MYT1L: variants seen among roughly 807,000 people sequenced by gnomAD.
MYT1L encodes myelin transcription factor 1 like, also known as myelin transcription factor 1-like protein.
A neutral mutation model predicts 126.7 loss-of-function variants in MYT1L; 12 were observed. The observed-to-expected ratio is 0.09, with a 90% CI of 0.06 to 0.15. The LOEUF is 0.15. Ranked by LOEUF, MYT1L falls within the 10% of genes least tolerant of loss-of-function variation. The pLI, the probability that MYT1L is intolerant of heterozygous loss-of-function variation, is 1.00. For synonymous variants in MYT1L, 541 were observed against 604.2 expected, an observed-to-expected ratio of 0.90 and a Z score of 1.53; for missense variants, 979 against 1,585.2, an observed-to-expected ratio of 0.62 and a Z score of 6.49.
Position 2,293,916 on chromosome 2 carries a change from G to A in MYT1L, c.-520-9413C>T, listed in dbSNP as rs982470975. ...TGCTCCGTGCTTGGCGCGCCTCTGAGGGATGCTTCTGGATAGCATCAGCCA... is the reference window on the plus strand; with the variant it reads ...TGCTCCGTGCTTGGCGCGCCTCTGAAGGATGCTTCTGGATAGCATCAGCCA... On this transcript the variant is annotated intron_variant, in intron 1 of 24. Coordinates refer to ENST00000647738, the MANE Select transcript of MYT1L (RefSeq NM_001303052.2). Among the ~76,000 whole-genome samples the A allele has an allele frequency of 1.5e-4, 23 of 152,178 alleles. No individual in the cohort carries two copies. The East Asian group carries it at 4.3e-3, about 28-fold the overall frequency.
intron 3 of MYT1L, among the ~76,000 whole-genome samples, chr2:2,149,641 T>C (rs554887760): frequency 6.6e-6 from 1 of 152,290 alleles, no homozygotes; most frequent in African/African-American, 2.4e-5. Flanking sequence ...CCATACAGGG[T>C]TCTTTCCAGG....
chr2:2,169,663 T>G (rs2148513922), intron 3 of MYT1L, among the ~76,000 whole-genome samples: 1 of 139,468 alleles, frequency 7.2e-6, no homozygotes, highest in Non-Finnish European at 1.7e-5. Flanking sequence ...TACATTTTTG[T>G]TTTGTAGTTG....
chr2:2,040,817 TTTA>T (rs773964824), intron 4 of MYT1L, among the ~76,000 whole-genome samples: 13 of 152,232 alleles, frequency 8.5e-5, no homozygotes, highest in Non-Finnish European at 1.8e-4. Flanking sequence ...TAAAATTTCA[TTTA>T]TTATTATATC....
chr2:2,003,768 T>C (rs2062661210), intron 4 of MYT1L, among the ~76,000 whole-genome samples: 1 of 152,114 alleles, frequency 6.6e-6, no homozygotes, highest in East Asian at 1.9e-4. Context: ...GGACCCCCAC[T>C]TTCCCTGACT....
chr2:1,797,281 T>C (rs916222222), intron 23 of MYT1L, among the ~76,000 whole-genome samples: 37 of 152,150 alleles, frequency 2.4e-4, no homozygotes, highest in Non-Finnish European at 2.9e-5. Context: ...TTCCCGCCCA[T>C]GGCGCGATCT....
intron 1 of MYT1L, among the ~76,000 whole-genome samples, chr2:2,320,077 G>C (rs760214726): frequency 2.6e-5 from 4 of 152,048 alleles, no homozygotes; most frequent in Non-Finnish European, 5.9e-5. Flanking sequence ...TTAAAATGCA[G>C]AATCTAAAAA....
At chr2:1,956,191 G>GTCTGTCTGTCTGTCTATCTA (rs1553354694) in intron 8 of MYT1L, among the ~76,000 whole-genome samples, 552 of 145,986 alleles carry the variant, frequency 3.8e-3, no homozygotes, top group Non-Finnish European at 4.6e-3. Flanking sequence ...TTACCTAGCT[G>GTCTGTCTGTCTGTCTATCTA]TCTATCTATC....
At chr2:2,241,700 G>T (rs2094443583) in intron 2 of MYT1L, among the ~76,000 whole-genome samples, 1 of 152,200 alleles carries the variant, frequency 6.6e-6, no homozygotes. Flanking sequence ...TAGCTGAAAG[G>T]TGGAGGCAGC....
intron 2 of MYT1L, among the ~76,000 whole-genome samples, chr2:2,252,966 A>T (rs1011823099): frequency 1.1e-4 from 17 of 152,060 alleles, no homozygotes; most frequent in Admixed American, 2.6e-4. Flanking sequence ...AGGAAGTAAA[A>T]TTTTTTTTAA....
At chr2:2,253,624 A>G (rs181834125) in intron 2 of MYT1L, among the ~76,000 whole-genome samples, 25 of 152,196 alleles carry the variant, frequency 1.6e-4, no homozygotes, top group Non-Finnish European at 3.7e-4. Flanking sequence ...CTGAGAGGAG[A>G]AAAAACTCCC....
intron 2 of MYT1L, among the ~76,000 whole-genome samples, chr2:2,183,495 T>C (rs751687059): frequency 2.6e-5 from 4 of 152,192 alleles, no homozygotes; most frequent in Non-Finnish European, 5.9e-5. Flanking sequence ...AGAAACATCC[T>C]TCCAGTGCAC....
intron 3 of MYT1L, among the ~76,000 whole-genome samples, chr2:2,109,857 T>C (rs1265019450): frequency 3.1e-5 from 4 of 128,222 alleles, no homozygotes; most frequent in African/African-American, 8.9e-5. Flanking sequence ...GGGAGGAAGA[T>C]TCACAAAAGT....
chr2:1,884,992 A>G (rs976349779), intron 18 of MYT1L, among the ~76,000 whole-genome samples: 7 of 152,248 alleles, frequency 4.6e-5, no homozygotes, highest in Non-Finnish European at 8.8e-5. Flanking sequence ...CCCAACGTGA[A>G]GGGATGCAAG....
At chr2:2,079,408 A>T (rs1378603450) in intron 3 of MYT1L, among the ~76,000 whole-genome samples, 1 of 152,222 alleles carries the variant, frequency 6.6e-6, no homozygotes. Flanking sequence ...AGGTAGCAAT[A>T]CTTCTCAAAT....
chr2:2,070,082 A>T (rs1440137209), intron 3 of MYT1L, among the ~76,000 whole-genome samples: 1 of 151,910 alleles, frequency 6.6e-6, no homozygotes, highest in Non-Finnish European at 1.5e-5. Flanking sequence ...TTCGGTTTTT[A>T]TTTGTCACTA....
At chr2:1,868,344 T>A (rs1053255908) in intron 18 of MYT1L, among the ~76,000 whole-genome samples, 18 of 152,234 alleles carry the variant, frequency 1.2e-4, no homozygotes, top group African/African-American at 4.3e-4. Flanking sequence ...TTGCATAATA[T>A]CAAAAATGTG....
intron 2 of MYT1L, among the ~76,000 whole-genome samples, chr2:2,206,149 A>AT (rs1000141902): frequency 1.5e-4 from 22 of 151,554 alleles, no homozygotes; most frequent in African/African-American, 1.2e-4. Flanking sequence ...CGCCCAGCTA[A>AT]TTTTTTTTAG....
At chr2:1,808,928 C>T (rs1005249280) in intron 22 of MYT1L, 148 bp downstream of exon 22, 38 of 681,876 alleles carry the variant, frequency 5.6e-5, no homozygotes, top group Non-Finnish European at 6.5e-5. Context: ...CAAGTTGCTT[C>T]GCTTTATAGA....
rs949663135 is a variant in MYT1L, at chr2:1,979,301, G to A, written c.90-74C>T. The A allele has an allele frequency of 7.3e-7, 1 of 1,370,134 alleles. No homozygotes were observed. The highest frequency in any genetic ancestry group is 1.4e-5 in the African/African-American group (1 of 69,814). The allele number at this position is 1,370,134 out of a possible 1,614,324, so 84.9% of individuals were successfully genotyped here. On this transcript the variant is annotated intron_variant, in intron 7 of 24. Coordinates refer to ENST00000647738, the MANE Select transcript of MYT1L (RefSeq NM_001303052.2). The surrounding 1 kb of genome is among the most constrained non-coding windows in gnomAD (Gnocchi z 4.0). Reference sequence around the variant, plus strand: ...GACGGAAAGCTTCCGTGGCAGCAGAGAGAAGGAGGGCGGCTCAGACAGAGG... The same window carrying A: ...GACGGAAAGCTTCCGTGGCAGCAGAAAGAAGGAGGGCGGCTCAGACAGAGG...
Sources: allele counts gnomAD v4.1 joint callset (sites outside exome capture counted in the v4.1 genomes callset), GRCh38; gene constraint gnomAD v4.1.1; non-coding constraint Gnocchi (gnomAD v3.1); transcripts MANE v1.5; gene names NCBI Gene and HGNC (gene_info 2026-07-23, HGNC 2026-07-21).